ZNF33B: variants seen among roughly 807,000 people sequenced by gnomAD.
The protein encoded by ZNF33B is zinc finger protein 11b (KOX 2).
ZNF33B carries 29 observed loss-of-function variants against 45.8 expected under a neutral mutation model. The observed-to-expected ratio is 0.63, with a 90% CI of 0.47 to 0.86. The LOEUF (loss-of-function observed/expected upper bound fraction) is 0.86, where lower values mean the gene tolerates loss of function less well. Among genes scored for constraint, ZNF33B ranks in the 40% least tolerant of loss-of-function variants. ZNF33B has a pLI of 0.00. For synonymous variants in ZNF33B, 305 were observed against 307.8 expected, an observed-to-expected ratio of 0.99 and a Z score of 0.10; for missense variants, 831 against 909.9, an observed-to-expected ratio of 0.91 and a Z score of 1.12.
At chr10:42,610,828 G>A (rs1838069200) in intron 4 of ZNF33B, among the ~76,000 whole-genome samples, 1 of 152,096 alleles carries the variant, frequency 6.6e-6, no homozygotes, top group African/African-American at 2.4e-5. Context: ...GGAAATTTAG[G>A]GAGCTGAATA....
At position 42,633,391 on chromosome 10, in the gene ZNF33B, T is replaced by C. The variant is rs553126572; in HGVS notation, c.10-952A>G. 2.6e-5 allele frequency among the ~76,000 whole-genome samples: 4 copies of C among 152,330 alleles called. No individual in the cohort carries two copies. The East Asian group carries it at 7.7e-4, about 29-fold the overall frequency. ...GAGATGTGAGCATATACTGCAATTA[T>C]GTGACCAGGTTTTGTTTACAGAACC... On this transcript the variant is annotated intron_variant, in intron 2 of 4. Transcript: ENST00000359467.
At chr10:42,634,884 C>T (rs528882344) in intron 2 of ZNF33B, among the ~76,000 whole-genome samples, 15 of 152,216 alleles carry the variant, frequency 9.9e-5, no homozygotes, top group Non-Finnish European at 2.1e-4. Context: ...TAAAATAGCA[C>T]ACACCATCAA....
chr10:42,614,206 T>A (rs1319930987), intron 4 of ZNF33B: 1 of 154,918 alleles, frequency 6.5e-6, no homozygotes, highest in African/African-American at 2.4e-5. Context: ...GTGGCCTTTT[T>A]CCCCAAAATC....
At chr10:42,630,698 T>C (rs2132159622) in intron 4 of ZNF33B, among the ~76,000 whole-genome samples, 1 of 152,330 alleles carries the variant, frequency 6.6e-6, no homozygotes, top group Non-Finnish European at 1.5e-5. Flanking sequence ...ACCACAGGAC[T>C]TTAATGAGCT....
intron 4 of ZNF33B, among the ~76,000 whole-genome samples, chr10:42,624,296 A>C (rs1838709119): frequency 6.6e-6 from 1 of 152,232 alleles, no homozygotes; most frequent in Non-Finnish European, 1.5e-5. Context: ...AGACATGAAC[A>C]TACAGTCTAT....
rs376829799 is a variant in ZNF33B at position 42,636,952 on chromosome 10, G to A, written c.-24C>T. 78 of 1,614,052 alleles carry A rather than the reference G, an allele frequency of 4.8e-5. No homozygotes were observed. The highest frequency in any genetic ancestry group is 5.9e-5 in the Non-Finnish European group (70 of 1,180,030). The stretch of plus-strand genomic sequence containing the variant: ...ATTTTGTTCTGTTCTTGGAAAGACG[G>A]AGACAACTCTGAAGATACAGCTGAG... On this transcript the variant is annotated 5_prime_UTR_variant, in exon 2 of 5. Transcript: ENST00000359467.
At chr10:42,581,746 T>C (rs1314085909) in intron 1 of ZNF33B, 4 of 152,240 alleles carry the variant, frequency 2.6e-5, no homozygotes, top group African/African-American at 9.6e-5. Flanking sequence ...GGTCAACAGG[T>C]ATTGCTTGTC....
At chr10:42,605,156 C>T (rs563890495) in intron 4 of ZNF33B, 1 of 151,174 alleles carries the variant, frequency 6.6e-6, no homozygotes, top group South Asian at 2.1e-4. Context: ...AAACGAATGG[C>T]TATGCTCACC....
intron 4 of ZNF33B, among the ~76,000 whole-genome samples, chr10:42,613,140 G>C (rs375041204): frequency 1.1e-4 from 17 of 152,170 alleles, no homozygotes; most frequent in African/African-American, 3.9e-4. Context: ...CTAAAGGCAG[G>C]TCTGCACATA....
chr10:42,612,984 A>C (rs1457170392), intron 4 of ZNF33B, among the ~76,000 whole-genome samples: 1 of 152,162 alleles, frequency 6.6e-6, no homozygotes, highest in Non-Finnish European at 1.5e-5. Flanking sequence ...TCATGGGTTA[A>C]GAAGAAGCCA....
At chr10:42,638,245 G>A (rs1215707693) in intron 1 of ZNF33B, among the ~76,000 whole-genome samples, 4 of 152,256 alleles carry the variant, frequency 2.6e-5, no homozygotes, top group Admixed American at 6.5e-5. Context: ...CCTCCTCCGC[G>A]GCCCCTACAA....
chr10:42,586,447 C>A (rs1374684416), downstream of ZNF33B, among the ~76,000 whole-genome samples: 1 of 149,646 alleles, frequency 6.7e-6, no homozygotes, highest in African/African-American at 2.5e-5. Context: ...CAGCACCCAG[C>A]CTTTTGTTTT....
At chr10:42,618,243 C>G (rs1838413653) in intron 4 of ZNF33B, among the ~76,000 whole-genome samples, 1 of 152,156 alleles carries the variant, frequency 6.6e-6, no homozygotes, top group Non-Finnish European at 1.5e-5. Flanking sequence ...AGCTTAATCT[C>G]TTGAGATTCA....
At chr10:42,613,505 A>G (rs1297373651) in intron 4 of ZNF33B, among the ~76,000 whole-genome samples, 1 of 151,384 alleles carries the variant, frequency 6.6e-6, no homozygotes, top group African/African-American at 2.4e-5. Flanking sequence ...CCAAGATCAC[A>G]CCACTGCACT....
At chr10:42,631,044 T>A (rs1304345622) in intron 4 of ZNF33B, among the ~76,000 whole-genome samples, 1 of 152,224 alleles carries the variant, frequency 6.6e-6, no homozygotes, top group East Asian at 1.9e-4. Context: ...TTCAAATTTC[T>A]ACTCTAATGT....
intron 4 of ZNF33B, among the ~76,000 whole-genome samples, chr10:42,622,169 T>C (rs1838619670): frequency 6.6e-6 from 1 of 152,136 alleles, no homozygotes; most frequent in Non-Finnish European, 1.5e-5. Flanking sequence ...TACAAAATAC[T>C]GATGAAAAAT....
rs61842935 is a variant in ZNF33B at position 42,636,950 on chromosome 10, C to G, written c.-22G>C. The G allele has an allele frequency of 1.3e-4, 214 of 1,614,058 alleles. 1 individual carries two copies. In the African/African-American group the frequency reaches 2.6e-3, roughly 19 times the overall value. ...TCATTTTGTTCTGTTCTTGGAAAGA[C>G]GGAGACAACTCTGAAGATACAGCTG... On this transcript the variant is annotated 5_prime_UTR_variant, in exon 2 of 5. Transcript: ENST00000359467.
intron 1 of ZNF33B, chr10:42,579,963 A>AC (rs1836801190): frequency 6.5e-6 from 1 of 154,194 alleles, no homozygotes; most frequent in Non-Finnish European, 1.5e-5. Context: ...GAAAACTAAG[A>AC]CCCCTATCTC....
At chr10:42,608,701 A>G (rs1837968418) in intron 4 of ZNF33B, among the ~76,000 whole-genome samples, 1 of 152,186 alleles carries the variant, frequency 6.6e-6, no homozygotes, top group Admixed American at 6.5e-5. Flanking sequence ...CAAATCAATA[A>G]ACTAATTTTC....
Sources: allele counts gnomAD v4.1 joint callset (sites outside exome capture counted in the v4.1 genomes callset), GRCh38; gene constraint gnomAD v4.1.1; transcripts MANE v1.5; gene names NCBI Gene and HGNC (gene_info 2026-07-23, HGNC 2026-07-21).